Variants in BICD1 observed in about 807,000 individuals in gnomAD.
BICD1 encodes protein bicaudal D homolog 1.
BICD1 carries 35 observed loss-of-function variants against 92.5 expected under a neutral mutation model. The observed-to-expected ratio is 0.38, with a 90% CI of 0.29 to 0.50. The LOEUF is 0.50. BICD1 is among the 20% of genes least tolerant of loss of function. The pLI is 0.93. For synonymous variants in BICD1, 429 were observed against 465.1 expected, an observed-to-expected ratio of 0.92 and a Z score of 1.00; for missense variants, 950 against 1,189.8, an observed-to-expected ratio of 0.80 and a Z score of 2.97.
intron 1 of BICD1, among the ~76,000 whole-genome samples, chr12:32,188,230 G>T (rs750535979): frequency 1.3e-5 from 2 of 152,106 alleles, no homozygotes; most frequent in Admixed American, 1.3e-4. Context: ...GAGCCACTGC[G>T]CCTGGCCAAC....
chr12:32,249,536 T>C (rs1946474242), intron 2 of BICD1, among the ~76,000 whole-genome samples: 1 of 152,134 alleles, frequency 6.6e-6, no homozygotes, highest in Non-Finnish European at 1.5e-5. Flanking sequence ...CAGATCATTA[T>C]GGCTGTAAGG....
rs1400616744 is a variant in BICD1 at position 32,378,945 on chromosome 12, T to G, written c.*1318T>G. The G allele has an allele frequency of 6.6e-6, 1 of 152,230 alleles. No homozygotes were observed. The highest frequency in any genetic ancestry group is 1.9e-4 in the East Asian group (1 of 5,208). The allele number at this position is 152,230 out of a possible 1,614,324, so 9.4% of individuals were successfully genotyped here. A position where few individuals can be genotyped will look rare whatever the true frequency, so the allele number is the denominator to read the frequency against. On this transcript the variant is annotated 3_prime_UTR_variant, in exon 10 of 10. Coordinates refer to ENST00000652176, the MANE Select transcript of BICD1 (RefSeq NM_001714.4). ...AGCAAAATTTATTTTGCACATAATC[T>G]GACAAACAAGGAAAACAGCTAACTG...
chr12:32,142,691 A>T (rs2652018), intron 1 of BICD1, among the ~76,000 whole-genome samples: 20,958 of 152,238 alleles, frequency 0.14, 1,678 homozygotes, highest in East Asian at 0.22. Flanking sequence ...GCCTTAAAAA[A>T]ATTTCATCAT....
Position 32,126,719 on chromosome 12 carries a change from G to A in BICD1, c.213+19175G>A, listed in dbSNP as rs1942355717. On this transcript the variant is annotated intron_variant, in intron 1 of 9. Transcript: ENST00000652176. ...TTGCAGTGAGCCGAGATCAGATCACGCCACTGCACTCTAGCCTGGGCGACA... is the reference window on the plus strand; with the variant it reads ...TTGCAGTGAGCCGAGATCAGATCACACCACTGCACTCTAGCCTGGGCGACA... Among the ~76,000 whole-genome samples the A allele has an allele frequency of 2.0e-5, 3 of 152,022 alleles. No individual in the cohort carries two copies. The East Asian group carries it at 5.8e-4, about 29-fold the overall frequency.
intron 2 of BICD1, among the ~76,000 whole-genome samples, chr12:32,292,458 G>C (rs1947750953): frequency 6.6e-6 from 1 of 152,128 alleles, no homozygotes; most frequent in African/African-American, 2.4e-5. Context: ...TGGGAGTTAG[G>C]ACTTCAACAT....
intron 1 of BICD1, among the ~76,000 whole-genome samples, chr12:32,199,412 C>T (rs1022003219): frequency 9.2e-5 from 14 of 152,106 alleles, no homozygotes; most frequent in Non-Finnish European, 1.0e-4. Context: ...CCACAAGATG[C>T]TCCTGGTGTT....
intron 8 of BICD1, among the ~76,000 whole-genome samples, chr12:32,365,442 T>C (rs1465669059): frequency 1.3e-5 from 2 of 152,192 alleles, no homozygotes; most frequent in African/African-American, 4.8e-5. Context: ...TGTGACTGTA[T>C]TGGCAAAACA....
At position 32,304,946 on chromosome 12, in the gene BICD1, C is replaced by T. The variant is rs377600304; in HGVS notation, c.580-751C>T. On this transcript the variant is annotated intron_variant, in intron 3 of 9. Transcript: ENST00000652176. ...CTGAAATGGGAAGATCACTTGAGCCCGGGAGGTTGAGGCTGCAGTGAGCCA... is the reference window on the plus strand; with the variant it reads ...CTGAAATGGGAAGATCACTTGAGCCTGGGAGGTTGAGGCTGCAGTGAGCCA... 3.5e-4 allele frequency among the ~76,000 whole-genome samples: 53 copies of T among 152,206 alleles called. 1 individual carries two copies. In the East Asian group the frequency reaches 9.9e-3, roughly 28 times the overall value.
chr12:32,279,854 C>T (rs1947369061), intron 2 of BICD1, among the ~76,000 whole-genome samples: 1 of 152,206 alleles, frequency 6.6e-6, no homozygotes, highest in South Asian at 2.1e-4. Flanking sequence ...AATCCCAGCA[C>T]TTTGGGAGGC....
At chr12:32,323,036 G>A (rs770407964) in intron 4 of BICD1, among the ~76,000 whole-genome samples, 12 of 152,186 alleles carry the variant, frequency 7.9e-5, no homozygotes, top group Non-Finnish European at 1.8e-4. Context: ...AGTTTTCACT[G>A]AGATTGTATA....
intron 2 of BICD1, among the ~76,000 whole-genome samples, chr12:32,265,718 T>TAAA (rs35399036): frequency 2.3e-3 from 325 of 140,836 alleles, no homozygotes; most frequent in Middle Eastern, 7.3e-3. Context: ...AGATCCTATT[T>TAAA]AAAAAAAAAA....
intron 5 of BICD1, among the ~76,000 whole-genome samples, chr12:32,333,534 C>CACGCCTGTAATCCCAGCACT (rs1937971951): frequency 6.6e-6 from 1 of 151,604 alleles, no homozygotes; most frequent in African/African-American, 2.4e-5. Flanking sequence ...CCAAGGTAGT[C>CACGCCTGTAATCCCAGCACT]TTCCTGGGAA....
At chr12:32,317,348 C>T (rs1453726430) in intron 4 of BICD1, among the ~76,000 whole-genome samples, 2 of 152,184 alleles carry the variant, frequency 1.3e-5, no homozygotes, top group Non-Finnish European at 2.9e-5. Flanking sequence ...TCCTATTTCT[C>T]CACATCCTCT....
intron 1 of BICD1, among the ~76,000 whole-genome samples, chr12:32,161,504 G>C (rs1273205277): frequency 2.0e-5 from 3 of 152,090 alleles, no homozygotes; most frequent in Non-Finnish European, 4.4e-5. Context: ...GTTTCAATTT[G>C]TCTTTATTTG....
chr12:32,316,484 A>G (rs1406553180), intron 4 of BICD1, among the ~76,000 whole-genome samples: 3 of 151,492 alleles, frequency 2.0e-5, no homozygotes, highest in Non-Finnish European at 4.4e-5. Flanking sequence ...ATTTTTTAGT[A>G]GAGACGGAGT....
rs569800352 is a variant in BICD1, at chr12:32,373,790, G to GA, written c.2841-3748dup. Among the ~76,000 whole-genome samples, 35 of 151,854 alleles carry GA rather than the reference G, an allele frequency of 2.3e-4. No individual in the cohort carries two copies. The East Asian group carries it at 6.0e-3, about 26-fold the overall frequency. ...AGCTACTCGGGAGGCTGAGACAGGAGAATCACTTGAACCCGGAAGGTGGAG... is the reference window on the plus strand; with the variant it reads ...AGCTACTCGGGAGGCTGAGACAGGAGAAATCACTTGAACCCGGAAGGTGGAG... On this transcript the variant is annotated intron_variant, in intron 9 of 9. Transcript: ENST00000652176.
chr12:32,324,653 G>T (rs1022921997), intron 4 of BICD1, among the ~76,000 whole-genome samples: 22 of 151,978 alleles, frequency 1.4e-4, no homozygotes, highest in African/African-American at 4.8e-4. Flanking sequence ...TCGGCTCGTT[G>T]CAACCTCCAT....
rs1283133900 is a variant in BICD1 at position 32,348,426 on chromosome 12, A to G, written c.2764+9447A>G. Among the ~76,000 whole-genome samples the G allele has an allele frequency of 2.0e-5, 3 of 152,192 alleles. No individual in the cohort carries two copies. The South Asian group carries it at 6.2e-4, about 32-fold the overall frequency. ...AAAGTTCCTTATTTTAATCCTTAGG[A>G]GAAAAACTATAATTTTTCTCTAATA... On this transcript the variant is annotated intron_variant, in intron 8 of 9. Transcript: ENST00000652176.
intron 7 of BICD1, chr12:32,338,100 A>T: frequency 3.0e-6 from 1 of 327,888 alleles, no homozygotes; most frequent in Non-Finnish European, 5.7e-6. Flanking sequence ...TGTATGTGTA[A>T]ATATGCCTCT....
Sources: gnomAD v4.1 joint callset for allele counts (sites outside exome capture counted in the v4.1 genomes callset) on GRCh38, gnomAD v4.1.1 for gene constraint, MANE v1.5 for transcripts, NCBI Gene and HGNC (gene_info 2026-07-23, HGNC 2026-07-21) for gene names.